VCF2: variants seen among roughly 807,000 people sequenced by gnomAD.
VCF2 encodes the protein VCP nuclear cofactor family member 2.
At chrX:55,150,814 C>G in the VCF2 span, among the ~76,000 whole-genome samples, 2 of 111,373 alleles carry the variant, frequency 1.8e-5, no homozygotes, top group Non-Finnish European at 3.8e-5. Context: ...GGAAAAACTT[C>G]CAAGACTCCC....
At chrX:55,152,942 A>C in the VCF2 span, among the ~76,000 whole-genome samples, 4 of 112,149 alleles carry the variant, frequency 3.6e-5, no homozygotes, top group South Asian at 3.7e-4. Context: ...GTTTGTGTAA[A>C]AATGCAGATT....
At chrX:55,146,362 T>G in the VCF2 span, 1 of 1,101,748 alleles carries the variant, frequency 9.1e-7, no homozygotes, top group East Asian at 3.0e-5. Context: ...TTACAACATT[T>G]TTCCTACTTG....
the VCF2 span, chrX:55,145,761 A>G: frequency 2.5e-6 from 2 of 790,983 alleles, no homozygotes; most frequent in Non-Finnish European, 3.0e-6. Flanking sequence ...TTTCTAACTG[A>G]CAGATCTGGA....
the VCF2 span, among the ~76,000 whole-genome samples, chrX:55,147,157 T>C: frequency 1.8e-5 from 2 of 112,130 alleles, no homozygotes; most frequent in Middle Eastern, 4.6e-3. Context: ...GCAAGGACTC[T>C]TATTCAAATT....
chrX:55,159,019 T>C, the VCF2 span: 5 of 599,988 alleles, frequency 8.3e-6, no homozygotes, highest in Non-Finnish European at 9.5e-6. Context: ...GCAAGAAAAC[T>C]TTTATGAAGG....
the VCF2 span, among the ~76,000 whole-genome samples, chrX:55,148,241 A>C: frequency 1.8e-5 from 2 of 110,908 alleles, no homozygotes; most frequent in Admixed American, 9.6e-5. Flanking sequence ...ATAATTTAAA[A>C]TCTAAAGTTA....
the VCF2 span, among the ~76,000 whole-genome samples, chrX:55,157,859 G>C: frequency 2.7e-5 from 3 of 112,082 alleles, no homozygotes; most frequent in Non-Finnish European, 5.6e-5. Context: ...AATCTGAAAG[G>C]TAAAATGAAT....
chrX:55,146,249 T>A, the VCF2 span: 9 of 1,211,546 alleles, frequency 7.4e-6, no homozygotes, highest in Non-Finnish European at 1.0e-5. Context: ...TGCCTTCTGG[T>A]CCACTTGCTC....
At chrX:55,159,013 G>C in the VCF2 span, 1 of 526,572 alleles carries the variant, frequency 1.9e-6, no homozygotes. Flanking sequence ...AATCAAGCAA[G>C]AAAACTTTTA....
chrX:55,154,740 CTT>C, the VCF2 span, among the ~76,000 whole-genome samples: 1 of 112,567 alleles, frequency 8.9e-6, no homozygotes, highest in Admixed American at 9.4e-5. Context: ...TTTTCTAACA[CTT>C]TGACTCGTGT....
chrX:55,146,501 T>C, the VCF2 span, among the ~76,000 whole-genome samples: 1 of 112,227 alleles, frequency 8.9e-6, no homozygotes, highest in African/African-American at 3.2e-5. Context: ...GCCCCCATTT[T>C]ACAGATGAGG....
the VCF2 span, among the ~76,000 whole-genome samples, chrX:55,155,718 G>C: frequency 9.0e-6 from 1 of 110,864 alleles, no homozygotes; most frequent in Non-Finnish European, 1.9e-5. Flanking sequence ...CACAGTACTT[G>C]AGAGAAAAAT....
the VCF2 span, among the ~76,000 whole-genome samples, chrX:55,157,678 T>G: frequency 8.9e-6 from 1 of 112,366 alleles, no homozygotes; most frequent in Non-Finnish European, 1.9e-5. Context: ...GTTCTGTTTT[T>G]CTCTCATTTG....
the VCF2 span, chrX:55,161,143 G>C: frequency 5.8e-6 from 7 of 1,208,506 alleles, no homozygotes; most frequent in East Asian, 5.9e-5. Flanking sequence ...TTACCGTACA[G>C]GGCAGCCTCC....
the VCF2 span, chrX:55,159,010 C>T: frequency 2.0e-6 from 1 of 497,781 alleles, no homozygotes; most frequent in Non-Finnish European, 3.0e-6. Context: ...TGTAATCAAG[C>T]AAGAAAACTT....
At chrX:55,153,477 C>T in the VCF2 span, among the ~76,000 whole-genome samples, 2 of 108,794 alleles carry the variant, frequency 1.8e-5, no homozygotes, top group Admixed American at 1.9e-4. Flanking sequence ...GCCTCAGCCT[C>T]CCGAGTAGCT....
the VCF2 span, among the ~76,000 whole-genome samples, chrX:55,144,964 C>T: frequency 8.8e-6 from 1 of 113,011 alleles, no homozygotes. Context: ...TGAGGAAGCA[C>T]ATCTATGAAT....
chrX:55,159,337 AT>A, the VCF2 span: 1 of 559,338 alleles, frequency 1.8e-6, no homozygotes, highest in East Asian at 3.8e-5. Flanking sequence ...GTCTGAAAAA[AT>A]GTCACTATCT....
chrX:55,153,930 T>C, the VCF2 span, among the ~76,000 whole-genome samples: 1 of 111,683 alleles, frequency 9.0e-6, no homozygotes, highest in Non-Finnish European at 1.9e-5. Context: ...ATAATGCTGT[T>C]TATTTAATAA....
Sources: allele counts gnomAD v4.1 joint callset (sites outside exome capture counted in the v4.1 genomes callset), GRCh38; gene constraint gnomAD v4.1.1; transcripts MANE v1.5; gene names NCBI Gene and HGNC (gene_info 2026-07-23, HGNC 2026-07-21).